The following LDB1 variants were observed in gnomAD, a reference collection of about 807,000 sequenced individuals.
The protein encoded by LDB1 is LIM domain binding 1.
LDB1 carries 6 observed loss-of-function variants against 49.7 expected under a neutral mutation model. The observed-to-expected ratio is 0.12, with a 90% CI of 0.07 to 0.24. The LOEUF (loss-of-function observed/expected upper bound fraction) is 0.24, where lower values mean the gene tolerates loss of function less well. LDB1 is among the 10% of genes least tolerant of loss of function. LDB1 has a pLI of 1.00. For missense variants in LDB1, 341 were observed against 561.7 expected, an observed-to-expected ratio of 0.61 and a Z score of 3.97; for synonymous variants, 233 against 202.0, an observed-to-expected ratio of 1.15 and a Z score of -1.30.
At chr10:102,110,757 G>T in intron 5 of LDB1, 56 bp from the exon 6 acceptor site, 1 of 1,588,064 alleles carries the variant, frequency 6.3e-7, no homozygotes, top group East Asian at 2.2e-5. Context: ...GGGCCAGGCA[G>T]ATGCCTCCCC....
upstream of LDB1, among the ~76,000 whole-genome samples, chr10:102,120,823 C>A (rs1176037304): frequency 2.6e-5 from 4 of 152,016 alleles, no homozygotes; most frequent in African/African-American, 9.7e-5. Flanking sequence ...GGAGGCGGAG[C>A]CGGGGTGGGC....
chr10:102,106,002 C>T (rs1483153727), downstream of LDB1, among the ~76,000 whole-genome samples: 3 of 151,866 alleles, frequency 2.0e-5, no homozygotes, highest in Non-Finnish European at 4.4e-5. Context: ...ACTAACCAAC[C>T]AACATCAGCC....
Position 102,107,223 on chromosome 10 carries a change from G to A in LDB1, c.*870C>T, listed in dbSNP as rs1359341661. ...GACTTGTAAGGAATATACATACCATGGGGGTGGGGCTGGAAGAGAGGGAGT... is the reference window on the plus strand; with the variant it reads ...GACTTGTAAGGAATATACATACCATAGGGGTGGGGCTGGAAGAGAGGGAGT... On this transcript the variant is annotated 3_prime_UTR_variant, in exon 11 of 11. Coordinates refer to ENST00000673968, the MANE Select transcript of LDB1 (RefSeq NM_001113407.3). 1.3e-5 allele frequency among the ~76,000 whole-genome samples: 2 copies of A among 152,198 alleles called. No individual in the cohort carries two copies. Among genetic ancestry groups the A allele is most frequent in the East Asian group, 3.9e-4 (2 of 5,178 alleles).
At position 102,111,114 on chromosome 10, in the gene LDB1, G is replaced by A; in HGVS notation, c.204C>T (p.Asp68=). ...GTTTGTTAAGCTCAAATATTCTGTA[G>A]TCAGTTTGGTTGCCATATGGTGTGT... is the stretch of plus-strand genomic sequence containing the variant. ...GRHTPYGNQT[D]YRIFELNKRL... The change falls in exon 4 of 11, where the codon GAC becomes GAT. Residue 68 remains aspartate, a synonymous_variant. Transcript: ENST00000673968. The A allele has an allele frequency of 6.2e-7, 1 of 1,614,138 alleles. No homozygotes were observed. The highest frequency in any genetic ancestry group is 2.2e-5 in the East Asian group (1 of 44,888).
intron 1 of LDB1, among the ~76,000 whole-genome samples, chr10:102,115,791 G>A (rs899839375): frequency 6.6e-6 from 1 of 151,790 alleles, no homozygotes; most frequent in Non-Finnish European, 1.5e-5. Flanking sequence ...GCATCCCAAG[G>A]GAGCAGATAT....
At chr10:102,114,957 T>C in intron 1 of LDB1, 1 of 506,208 alleles carries the variant, frequency 2.0e-6, no homozygotes, top group Non-Finnish European at 2.6e-6. Flanking sequence ...TTTCTCTCCC[T>C]GCCTCCCTCC....
downstream of LDB1, among the ~76,000 whole-genome samples, chr10:102,105,697 C>T (rs1010416572): frequency 2.6e-5 from 4 of 151,492 alleles, no homozygotes; most frequent in African/African-American, 7.3e-5. Flanking sequence ...CAGAGTGGAC[C>T]ACGCCTATAA....
Position 102,109,330 on chromosome 10 carries a change from A to G in LDB1, c.856+54T>C, listed in dbSNP as rs1486894439. The G allele has an allele frequency of 3.7e-5, 59 of 1,610,794 alleles. No individual in the cohort carries two copies. The highest frequency in any genetic ancestry group is 4.7e-5 in the Non-Finnish European group (55 of 1,178,636). On this transcript the variant is annotated intron_variant, in intron 9 of 10. Coordinates refer to ENST00000673968, the MANE Select transcript of LDB1 (RefSeq NM_001113407.3). This position sits in a 1 kb window ranked among gnomAD's most constrained non-coding sequence, Gnocchi z 5.8. ...GAAAACTTCAAAAGGAAATAAAGAT[A>G]CAGCTTTGGGGAGCGGTGTGAGATC...
chr10:102,109,712 C>T lies in LDB1; in HGVS notation c.649-29G>A, dbSNP rs759198183. 5.0e-6 allele frequency: 8 copies of T among 1,608,140 alleles called. No homozygotes were observed. The Admixed American group carries it at 1.3e-4, about 27-fold the overall frequency. ...GAGTGGGAGAAAAGACAAGAAAGAA[C>T]ACTGACACCTGGGTTGCCTCTGCTC... On this transcript the variant is annotated intron_variant, in intron 7 of 10. Coordinates refer to ENST00000673968, the MANE Select transcript of LDB1 (RefSeq NM_001113407.3). This position sits in a 1 kb window ranked among gnomAD's most constrained non-coding sequence, Gnocchi z 5.8.
chr10:102,102,369 CA>C (rs766381842), downstream of LDB1, among the ~76,000 whole-genome samples: 9 of 152,216 alleles, frequency 5.9e-5, no homozygotes, highest in Non-Finnish European at 1.0e-4. Context: ...CCTCATCCTC[CA>C]GGCAGCCTCA....
rs751620779 is a variant in LDB1 at position 102,111,389 on chromosome 10, T to C, written c.128+45A>G. The C allele has an allele frequency of 2.5e-6, 4 of 1,600,268 alleles. No individual in the cohort carries two copies. In the East Asian group the frequency reaches 6.7e-5, roughly 27 times the overall value. On this transcript the variant is annotated intron_variant, in intron 2 of 10. Transcript: ENST00000673968. The stretch of plus-strand genomic sequence containing the variant: ...TACTCCCTCCCCTTTCCAGGCAGGA[T>C]CCCACCTGGAGAAGGGTTAGGAAGT...
intron 1 of LDB1, chr10:102,114,811 A>AGC: frequency 1.1e-6 from 1 of 883,216 alleles, no homozygotes; most frequent in Non-Finnish European, 1.4e-6. Context: ...GCCTCCGAGC[A>AGC]GCCCGCCCGC....
chr10:102,119,541 C>T lies in LDB1; in HGVS notation c.25+545G>A, dbSNP rs117457725. Among the ~76,000 whole-genome samples, 921 of 152,114 alleles carry T rather than the reference C, an allele frequency of 6.1e-3. 3 individuals carry two copies. Among genetic ancestry groups the T allele is most frequent in the Middle Eastern group, 0.017 (5 of 294 alleles). On this transcript the variant is annotated intron_variant, in intron 1 of 10. Coordinates refer to ENST00000673968, the MANE Select transcript of LDB1 (RefSeq NM_001113407.3). Reference sequence around the variant, plus strand: ...ATCTGGCACCTCTTAGGAGTACCTCCGGTGCCTCAGGAGGGCCAACCTTCC... The same window carrying T: ...ATCTGGCACCTCTTAGGAGTACCTCTGGTGCCTCAGGAGGGCCAACCTTCC...
chr10:102,105,032 C>A (rs1161946432), downstream of LDB1, among the ~76,000 whole-genome samples: 1 of 152,162 alleles, frequency 6.6e-6, no homozygotes, highest in African/African-American at 2.4e-5. Flanking sequence ...TACATGCCCA[C>A]ATACAAACAC....
chr10:102,109,914 G>T lies in LDB1; in HGVS notation c.648+7C>A. On this transcript the variant is annotated splice_region_variant and intron_variant, in intron 7 of 10. Transcript: ENST00000673968. The surrounding 1 kb of genome is among the most constrained non-coding windows in gnomAD (Gnocchi z 5.8). ...CTCTTGCATCCTGGGTCCTGCCCACGACTCACATGCATGGCAAGGATGCTG... is the reference window on the plus strand; with the variant it reads ...CTCTTGCATCCTGGGTCCTGCCCACTACTCACATGCATGGCAAGGATGCTG... 6.2e-7 allele frequency: 1 copy of T among 1,607,198 alleles called. No individual in the cohort carries two copies. Among genetic ancestry groups the T allele is most frequent in the South Asian group, 1.1e-5 (1 of 90,982 alleles).
chr10:102,107,981 G>C lies in LDB1; in HGVS notation c.*112C>G. On this transcript the variant is annotated 3_prime_UTR_variant, in exon 11 of 11. Transcript: ENST00000673968. The stretch of plus-strand genomic sequence containing the variant: ...GTCCAGTTCCTCCCTGAAGCGGGTG[G>C]ATGGAGGCTGCCCATTTTAGATGCT... The C allele has an allele frequency of 1.1e-6, 1 of 875,984 alleles. No individual in the cohort carries two copies. The highest frequency in any genetic ancestry group is 1.8e-6 in the Non-Finnish European group (1 of 543,078). 54.3% of individuals were successfully genotyped at this position (875,984 alleles called of 1,614,324 possible).
At chr10:102,105,367 A>G (rs2068148403), downstream of LDB1, among the ~76,000 whole-genome samples, 1 of 152,164 alleles carries the variant, frequency 6.6e-6, no homozygotes, top group South Asian at 2.1e-4. Context: ...GAGATTGGAC[A>G]GGTCATACAG....
downstream of LDB1, among the ~76,000 whole-genome samples, chr10:102,105,621 C>T (rs1324472207): frequency 6.6e-6 from 1 of 151,808 alleles, no homozygotes; most frequent in African/African-American, 2.4e-5. Context: ...CTGCTACTCT[C>T]TTAATCCCCC....
upstream of LDB1, among the ~76,000 whole-genome samples, chr10:102,121,040 C>G (rs538574224): frequency 8.3e-4 from 126 of 152,276 alleles, no homozygotes; most frequent in African/African-American, 2.9e-3. Flanking sequence ...ATTAACCACT[C>G]CTCCTTTGCC....
Sources: allele counts gnomAD v4.1 joint callset (sites outside exome capture counted in the v4.1 genomes callset), GRCh38; gene constraint gnomAD v4.1.1; non-coding constraint Gnocchi (gnomAD v3.1); transcripts MANE v1.5; gene names NCBI Gene and HGNC (gene_info 2026-07-23, HGNC 2026-07-21).